The following CHD6 variants were observed in gnomAD, a reference collection of about 807,000 sequenced individuals.
CHD6 encodes the protein ATP-dependent chromatin remodeler CHD6.
Under a neutral mutation model 276.9 loss-of-function variants are expected in CHD6, and 50 were observed. That is an observed-to-expected ratio of 0.18 (90% CI 0.14 to 0.23). The LOEUF is 0.23. Among genes scored for constraint, CHD6 ranks in the 10% least tolerant of loss-of-function variants. CHD6 has a pLI of 1.00. For missense variants in CHD6, 2,564 were observed against 3,365.8 expected (o/e 0.76, Z 5.89); for synonymous variants, 1,173 against 1,229.3 (o/e 0.95, Z 0.96).
chr20:41,495,516 T>C (rs2043662624), intron 8 of CHD6, among the ~76,000 whole-genome samples: 1 of 152,186 alleles, frequency 6.6e-6, no homozygotes, highest in Admixed American at 6.5e-5. Context: ...GCAGGATGAA[T>C]AAGTTCTGGA....
At chr20:41,506,493 G>A (rs559913348) in intron 5 of CHD6, among the ~76,000 whole-genome samples, 32 of 152,064 alleles carry the variant, frequency 2.1e-4, no homozygotes, top group African/African-American at 7.5e-4. Context: ...TCAATTATTT[G>A]CTCAAATATT....
intron 2 of CHD6, chr20:41,547,572 A>G: frequency 3.9e-6 from 2 of 514,348 alleles, no homozygotes; most frequent in Non-Finnish European, 7.6e-6. Flanking sequence ...CAAGGCAACT[A>G]GTGACTGGAA....
intron 5 of CHD6, among the ~76,000 whole-genome samples, chr20:41,500,055 A>C (rs2043795049): frequency 6.6e-6 from 1 of 152,154 alleles, no homozygotes; most frequent in South Asian, 2.1e-4. Context: ...CTCTTTCTAC[A>C]GAGTATTTAT....
intron 16 of CHD6, among the ~76,000 whole-genome samples, chr20:41,482,157 T>C (rs2043310216): frequency 6.6e-6 from 1 of 152,178 alleles, no homozygotes; most frequent in Admixed American, 6.5e-5. Flanking sequence ...GGGGTTCTTT[T>C]TTAAAAATCT....
intron 1 of CHD6, among the ~76,000 whole-genome samples, chr20:41,606,055 C>G (rs1229608438): frequency 3.3e-5 from 5 of 152,146 alleles, no homozygotes; most frequent in Admixed American, 3.3e-4. Context: ...TCTGTCTCAC[C>G]TTGTCCCAGC....
At chr20:41,475,894 T>C (rs1048063028) in intron 16 of CHD6, among the ~76,000 whole-genome samples, 3 of 152,238 alleles carry the variant, frequency 2.0e-5, no homozygotes, top group Admixed American at 6.5e-5. Context: ...TAAGTGTTTT[T>C]GTGTATTATA....
intron 7 of CHD6, 70 bp from the exon 8 acceptor site, chr20:41,497,571 T>C: frequency 9.9e-7 from 1 of 1,012,918 alleles, no homozygotes; most frequent in East Asian, 2.4e-5. Flanking sequence ...AGGTGTTCAA[T>C]AAACACGGTG....
intron 1 of CHD6, among the ~76,000 whole-genome samples, chr20:41,574,211 A>T (rs1403968279): frequency 6.6e-6 from 1 of 152,188 alleles, no homozygotes; most frequent in Non-Finnish European, 1.5e-5. Flanking sequence ...TCTAAAATGT[A>T]AATTTTATGT....
chr20:41,506,242 C>T (rs2043973076), intron 5 of CHD6, among the ~76,000 whole-genome samples: 1 of 152,180 alleles, frequency 6.6e-6, no homozygotes, highest in South Asian at 2.1e-4. Flanking sequence ...TTTTATTATG[C>T]TCCGCTTACA....
chr20:41,546,084 T>C (rs2045034528), intron 2 of CHD6, among the ~76,000 whole-genome samples: 1 of 152,212 alleles, frequency 6.6e-6, no homozygotes, highest in African/African-American at 2.4e-5. Flanking sequence ...CTTTAGTTAC[T>C]ACTGAACCTG....
chr20:41,434,401 C>T (rs1390900399), intron 27 of CHD6, among the ~76,000 whole-genome samples: 2 of 152,130 alleles, frequency 1.3e-5, no homozygotes, highest in Non-Finnish European at 2.9e-5. Flanking sequence ...GACAGAATCT[C>T]GCTCTGCTGC....
chr20:41,514,760 T>A, intron 4 of CHD6, 45 bp downstream of exon 4: 1 of 1,604,964 alleles, frequency 6.2e-7, no homozygotes, highest in Non-Finnish European at 8.5e-7. Flanking sequence ...CCAGATCCCA[T>A]CCAGGAGCCG....
chr20:41,431,825 C>T (rs1220177549), intron 27 of CHD6, among the ~76,000 whole-genome samples: 35 of 129,616 alleles, frequency 2.7e-4, no homozygotes, highest in Admixed American at 1.7e-4. Context: ...GGTAAAGAAG[C>T]GGGCTACCCG....
intron 2 of CHD6, among the ~76,000 whole-genome samples, chr20:41,545,134 C>T (rs372899823): frequency 5.3e-5 from 8 of 152,296 alleles, no homozygotes; most frequent in African/African-American, 1.9e-4. Context: ...ACTCTCCCCA[C>T]GTGTCCCATT....
At chr20:41,511,930 T>C (rs1400919731) in intron 5 of CHD6, among the ~76,000 whole-genome samples, 1 of 152,082 alleles carries the variant, frequency 6.6e-6, no homozygotes, top group Admixed American at 6.5e-5. Context: ...GTTCATTTGA[T>C]CTCATCCACT....
At position 41,405,346 on chromosome 20, in the gene CHD6, C is replaced by T; in HGVS notation, c.7395G>A (p.Gly2465=). The change falls in exon 37 of 37, where the codon GGG becomes GGA. Residue 2465 remains glycine, a synonymous_variant. Coordinates refer to ENST00000373233, the MANE Select transcript of CHD6 (RefSeq NM_032221.5). ...SIVADSPSGM[G]PLFMNGLIAG... ...CAATCAGTCCATTCATGAACAGTGG[C>T]CCCATTCCAGAGGGAGAGTCTGCCA... 1 of 1,614,194 alleles carries T rather than the reference C, an allele frequency of 6.2e-7. No individual in the cohort carries two copies. Among genetic ancestry groups the T allele is most frequent in the Non-Finnish European group, 8.5e-7 (1 of 1,180,034 alleles).
intron 1 of CHD6, among the ~76,000 whole-genome samples, chr20:41,566,697 C>T (rs1034551475): frequency 1.3e-5 from 2 of 152,178 alleles, no homozygotes; most frequent in Non-Finnish European, 2.9e-5. Context: ...ACTACAAAGC[C>T]TGCCTCCCAT....
chr20:41,602,291 CCTCT>C (rs1224283769), intron 1 of CHD6, among the ~76,000 whole-genome samples: 4 of 152,192 alleles, frequency 2.6e-5, no homozygotes, highest in African/African-American at 9.7e-5. Flanking sequence ...CCCTCCTCTC[CCTCT>C]CTCTTTCTTC....
At chr20:41,531,959 CATAG>C (rs73622089) in intron 3 of CHD6, among the ~76,000 whole-genome samples, 1,918 of 152,232 alleles carry the variant, frequency 0.013, 14 homozygotes, top group South Asian at 0.027. Flanking sequence ...ATAATAGATA[CATAG>C]ATAAATATAA....
Sources: allele counts gnomAD v4.1 joint callset (sites outside exome capture counted in the v4.1 genomes callset), GRCh38; gene constraint gnomAD v4.1.1; transcripts MANE v1.5; gene names NCBI Gene and HGNC (gene_info 2026-07-23, HGNC 2026-07-21).